Variants in FSD1L observed in about 807,000 individuals in gnomAD.
FSD1L encodes fibronectin type III and SPRY domain containing 1 like.
Under a neutral mutation model 71.6 loss-of-function variants are expected in FSD1L, and 45 were observed. That is an observed-to-expected ratio of 0.63 (90% CI 0.49 to 0.81). The LOEUF is 0.81. Among genes scored for constraint, FSD1L ranks in the 30% least tolerant of loss-of-function variants. FSD1L has a pLI of 0.00. For missense variants in FSD1L, 561 were observed against 618.1 expected (o/e 0.91, Z 0.98); for synonymous variants, 197 against 207.2 (o/e 0.95, Z 0.42).
intron 9 of FSD1L, 42 bp downstream of exon 9, chr9:105,508,757 A>T (rs1314715325): frequency 8.5e-7 from 1 of 1,170,650 alleles, no homozygotes; most frequent in Admixed American, 2.5e-5. Flanking sequence ...ACAAAGCTTA[A>T]CATCTGAAGT....
chr9:105,448,084 G>T lies in FSD1L; in HGVS notation c.-137G>T, dbSNP rs1011200893. The T allele has an allele frequency of 3.0e-4, 296 of 999,258 alleles. 2 individuals carry two copies. The highest frequency in any genetic ancestry group is 4.1e-4 in the Non-Finnish European group (269 of 660,954). 61.9% of individuals were successfully genotyped at this position (999,258 alleles called of 1,614,324 possible). A position where few individuals can be genotyped will look rare whatever the true frequency, so the allele number is the denominator to read the frequency against. On this transcript the variant is annotated 5_prime_UTR_variant, in exon 1 of 14. Coordinates refer to ENST00000481272, the MANE Select transcript of FSD1L (RefSeq NM_001145313.3). ...ACTACGGCGCGCGCGGTCTGGGCGC[G>T]GACGGGTGGGGCCGGGCGGTGCCGG...
intron 10 of FSD1L, chr9:105,524,122 G>A (rs957762502): frequency 1.2e-5 from 20 of 1,612,094 alleles, no homozygotes; most frequent in Non-Finnish European, 1.4e-5. Context: ...GGTCCTGCAC[G>A]ATGTGTAGCA....
intron 10 of FSD1L, among the ~76,000 whole-genome samples, chr9:105,529,178 A>G (rs1216959493): frequency 6.6e-6 from 1 of 152,174 alleles, no homozygotes; most frequent in African/African-American, 2.4e-5. Context: ...GTGGGAGTGT[A>G]AATTAATTAG....
At chr9:105,455,515 A>T (rs1051741448) in intron 1 of FSD1L, among the ~76,000 whole-genome samples, 1 of 152,154 alleles carries the variant, frequency 6.6e-6, no homozygotes, top group Non-Finnish European at 1.5e-5. Context: ...GATTTGATCA[A>T]TCCCTTTCCT....
intron 10 of FSD1L, among the ~76,000 whole-genome samples, chr9:105,532,864 C>A (rs1835982748): frequency 6.6e-6 from 1 of 152,152 alleles, no homozygotes; most frequent in Admixed American, 6.5e-5. Flanking sequence ...TTGAAGTGGT[C>A]CTGAGTTCTT....
At chr9:105,539,640 C>T (rs192231689) in intron 13 of FSD1L, among the ~76,000 whole-genome samples, 73 of 152,216 alleles carry the variant, frequency 4.8e-4, no homozygotes, top group African/African-American at 1.7e-3. Flanking sequence ...ATTACGAGAA[C>T]CTCAGAAGCC....
intron 5 of FSD1L, among the ~76,000 whole-genome samples, chr9:105,477,366 T>C (rs772123722): frequency 1.3e-5 from 2 of 152,184 alleles, no homozygotes; most frequent in Non-Finnish European, 2.9e-5. Flanking sequence ...ACTAAATACC[T>C]AGAATTAGAC....
chr9:105,526,388 T>C, intron 10 of FSD1L: 3 of 1,613,300 alleles, frequency 1.9e-6, no homozygotes, highest in South Asian at 2.2e-5. Context: ...TGAAGGCTCC[T>C]ACCCAGAGAT....
Position 105,476,161 on chromosome 9 carries a change from T to C in FSD1L, c.442-3193T>C, listed in dbSNP as rs148019587. On this transcript the variant is annotated intron_variant, in intron 5 of 13. Coordinates refer to ENST00000481272, the MANE Select transcript of FSD1L (RefSeq NM_001145313.3). ...TTTTTTCTATGTGACTGGGAAAATA[T>C]CTGGTTTAACGTCTTTAAATTTAAT... Among the ~76,000 whole-genome samples, 1,268 of 152,256 alleles carry C rather than the reference T, an allele frequency of 8.3e-3. 20 individuals are homozygous for C. The highest frequency in any genetic ancestry group is 0.029 in the African/African-American group (1,209 of 41,542).
intron 7 of FSD1L, among the ~76,000 whole-genome samples, chr9:105,501,227 A>AT (rs566992092): frequency 4.2e-4 from 62 of 147,886 alleles, no homozygotes; most frequent in East Asian, 1.4e-3. Context: ...TTTATGCGGG[A>AT]TTTTTTTTTT....
upstream of FSD1L, among the ~76,000 whole-genome samples, chr9:105,447,590 C>G (rs1478021029): frequency 6.6e-6 from 1 of 152,134 alleles, no homozygotes; most frequent in Non-Finnish European, 1.5e-5. Context: ...CCACTCTCAT[C>G]CCTATATCCC....
intron 10 of FSD1L, chr9:105,520,051 C>G (rs966295920): frequency 2.0e-6 from 3 of 1,516,226 alleles, no homozygotes; most frequent in Non-Finnish European, 2.6e-6. Flanking sequence ...AGTCTCCTCC[C>G]CGTCCACTCC....
chr9:105,496,429 A>G (rs1471141487), intron 7 of FSD1L, among the ~76,000 whole-genome samples: 1 of 152,128 alleles, frequency 6.6e-6, no homozygotes, highest in Non-Finnish European at 1.5e-5. Context: ...TATCCACAAA[A>G]TAGCTTACTG....
intron 7 of FSD1L, among the ~76,000 whole-genome samples, chr9:105,496,185 G>C (rs10991676): frequency 0.43 from 63,101 of 146,270 alleles, 13,979 homozygotes; most frequent in Admixed American, 0.48. Flanking sequence ...ACCAGTACCA[G>C]GTCTTGATGA....
Position 105,530,057 on chromosome 9 carries a change from A to G in FSD1L, c.1026-4436A>G, listed in dbSNP as rs191432534. ...AGGAGTTAGAAGGCTAGAAAGGCAG[A>G]TTAGGACTAAATCAAGAACCAGAAT... On this transcript the variant is annotated intron_variant, in intron 10 of 13. Coordinates refer to ENST00000481272, the MANE Select transcript of FSD1L (RefSeq NM_001145313.3). 2.7e-4 allele frequency among the ~76,000 whole-genome samples: 41 copies of G among 152,370 alleles called. No homozygotes were observed. In the East Asian group the frequency reaches 7.9e-3, roughly 29 times the overall value.
intron 10 of FSD1L, chr9:105,522,174 C>T: frequency 6.2e-7 from 1 of 1,613,984 alleles, no homozygotes; most frequent in South Asian, 1.1e-5. Flanking sequence ...CTCCCGAGAA[C>T]TTTGGGATGA....
intron 2 of FSD1L, 101 bp from the exon 3 acceptor site, chr9:105,464,135 A>G (rs541272804): frequency 3.0e-6 from 2 of 658,774 alleles, no homozygotes; most frequent in Admixed American, 3.2e-5. Flanking sequence ...TATTTGTTAT[A>G]CAATATACTC....
intron 10 of FSD1L, among the ~76,000 whole-genome samples, chr9:105,529,775 A>T (rs945153014): frequency 1.3e-4 from 19 of 148,350 alleles, no homozygotes; most frequent in African/African-American, 3.2e-4. Context: ...TAATAATATT[A>T]AAAAAAAAAG....
At chr9:105,462,157 C>G (rs1315182951) in intron 2 of FSD1L, among the ~76,000 whole-genome samples, 1 of 150,386 alleles carries the variant, frequency 6.6e-6, no homozygotes, top group African/African-American at 2.4e-5. Flanking sequence ...TGAACTGTAT[C>G]TGCCTTTTTT....
Sources: allele counts gnomAD v4.1 joint callset (sites outside exome capture counted in the v4.1 genomes callset), GRCh38; gene constraint gnomAD v4.1.1; transcripts MANE v1.5; gene names NCBI Gene and HGNC (gene_info 2026-07-23, HGNC 2026-07-21).